Variants in PLCH1 observed in about 807,000 individuals in gnomAD.
PLCH1 encodes phospholipase C eta 1, also known as 1-phosphatidylinositol 4,5-bisphosphate phosphodiesterase eta-1.
Under a neutral mutation model 126.7 loss-of-function variants are expected in PLCH1, and 60 were observed. The ratio of observed to expected loss-of-function variants is 0.47; its 90% CI spans 0.38 to 0.59. The LOEUF (loss-of-function observed/expected upper bound fraction) is 0.59. Ranked by LOEUF, PLCH1 falls within the 20% of genes least tolerant of loss-of-function variation. The pLI is 0.00. For missense variants in PLCH1, 1,723 were observed against 2,040.0 expected (o/e 0.84, Z 2.99); for synonymous variants, 719 against 734.9 (o/e 0.98, Z 0.35).
Position 155,516,951 on chromosome 3 carries a change from C to T in PLCH1, c.1471-2067G>A, listed in dbSNP as rs9868926. On this transcript the variant is annotated intron_variant, in intron 11 of 22. Coordinates refer to ENST00000460012, the MANE Select transcript of PLCH1 (RefSeq NM_014996.4). ...CGCAACTTGTCCAGCCTTGGGGAAT[C>T]GGGGGACAATTCCAGGAGCATAAGA... Among the ~76,000 whole-genome samples, 1,487 of 152,090 alleles carry T rather than the reference C, an allele frequency of 9.8e-3. 29 individuals are homozygous for T. The highest frequency in any genetic ancestry group is 0.034 in the African/African-American group (1,409 of 41,492).
At chr3:155,603,827 G>A (rs1296152510) in intron 2 of PLCH1, among the ~76,000 whole-genome samples, 1 of 151,972 alleles carries the variant, frequency 6.6e-6, no homozygotes, top group African/African-American at 2.4e-5. Flanking sequence ...GCTGTGTGTG[G>A]TGGCTGACAC....
At chr3:155,666,382 G>T (rs1357331705) in intron 2 of PLCH1, among the ~76,000 whole-genome samples, 2 of 152,072 alleles carry the variant, frequency 1.3e-5, no homozygotes, top group African/African-American at 4.8e-5. Flanking sequence ...TGAAAACACA[G>T]TTACTCAAGT....
rs1576757374 is a variant in PLCH1 at position 155,452,292 on chromosome 3, G to C, written c.2938+33064C>G. Among the ~76,000 whole-genome samples the C allele has an allele frequency of 2.0e-5, 3 of 152,256 alleles. No homozygotes were observed. The Middle Eastern group carries it at 0.01, about 518-fold the overall frequency. ...AGACTTATTCACTACCATGAGAACA[G>C]TATGGGGGAATTGCCCCATGCTTCA... On this transcript the variant is annotated intron_variant, in intron 21 of 21. Transcript: ENST00000494598.
intron 2 of PLCH1, among the ~76,000 whole-genome samples, chr3:155,628,713 C>G (rs1052209465): frequency 2.0e-5 from 3 of 152,058 alleles, no homozygotes; most frequent in African/African-American, 7.2e-5. Flanking sequence ...GGAAAGATAT[C>G]TTTTCTCTTC....
At chr3:155,551,632 A>G (rs1726155696) in intron 9 of PLCH1, among the ~76,000 whole-genome samples, 2 of 148,224 alleles carry the variant, frequency 1.3e-5, no homozygotes, top group African/African-American at 4.9e-5. Flanking sequence ...CATAATGAAT[A>G]GAAGCTGAGG....
At chr3:155,673,782 G>C (rs1001925259) in intron 2 of PLCH1, among the ~76,000 whole-genome samples, 3 of 152,080 alleles carry the variant, frequency 2.0e-5, no homozygotes, top group African/African-American at 7.2e-5. Flanking sequence ...TCAGGCATTC[G>C]TACACAGCAT....
chr3:155,561,935 C>A lies in PLCH1; in HGVS notation c.1069+2980G>T, dbSNP rs1180978896. 7.9e-5 allele frequency among the ~76,000 whole-genome samples: 12 copies of A among 152,134 alleles called. No homozygotes were observed. The East Asian group carries it at 9.6e-4, about 12-fold the overall frequency. On this transcript the variant is annotated intron_variant, in intron 8 of 22. Coordinates refer to ENST00000460012, the MANE Select transcript of PLCH1 (RefSeq NM_014996.4). The stretch of plus-strand genomic sequence containing the variant: ...CAGCTGGGACTACAGGTGCATGCCA[C>A]CATGCCCGGATAATTCTTGCAGTTT...
At chr3:155,635,287 C>T (rs2108830107) in intron 2 of PLCH1, among the ~76,000 whole-genome samples, 1 of 152,266 alleles carries the variant, frequency 6.6e-6, no homozygotes, top group South Asian at 2.1e-4. Flanking sequence ...TTTTTATACT[C>T]ATAGGTACTT....
chr3:155,710,786 T>C (rs1434906736), intron 1 of PLCH1, among the ~76,000 whole-genome samples: 3 of 149,836 alleles, frequency 2.0e-5, no homozygotes, highest in African/African-American at 7.4e-5. Context: ...TGAGCTGAGA[T>C]CGTGCCACTA....
At chr3:155,530,244 C>G (rs1424929598) in intron 10 of PLCH1, among the ~76,000 whole-genome samples, 1 of 152,160 alleles carries the variant, frequency 6.6e-6, no homozygotes, top group South Asian at 2.1e-4. Flanking sequence ...ACCTCAAGAA[C>G]CCACTTGCTT....
intron 21 of PLCH1, among the ~76,000 whole-genome samples, chr3:155,472,663 G>A (rs1243390026): frequency 3.3e-5 from 5 of 151,464 alleles, no homozygotes; most frequent in African/African-American, 4.9e-5. Flanking sequence ...GATGAACATT[G>A]ATGCAAAAAT....
intron 21 of PLCH1, among the ~76,000 whole-genome samples, chr3:155,466,017 C>T (rs1712916832): frequency 6.6e-6 from 1 of 152,226 alleles, no homozygotes; most frequent in African/African-American, 2.4e-5. Context: ...CAGTTCCTGA[C>T]TCCTGGAAGG....
At chr3:155,721,493 T>C (rs1747941597) in intron 1 of PLCH1, among the ~76,000 whole-genome samples, 1 of 152,184 alleles carries the variant, frequency 6.6e-6, no homozygotes, top group Non-Finnish European at 1.5e-5. Context: ...GGTTGAGTTC[T>C]TGATTTGATT....
At chr3:155,702,470 T>C (rs937256640) in intron 2 of PLCH1, among the ~76,000 whole-genome samples, 1 of 152,164 alleles carries the variant, frequency 6.6e-6, no homozygotes, top group Non-Finnish European at 1.5e-5. Flanking sequence ...ACCCCATTCA[T>C]AAAATGGGTT....
At chr3:155,721,637 T>C (rs1408707017) in intron 1 of PLCH1, among the ~76,000 whole-genome samples, 1 of 152,198 alleles carries the variant, frequency 6.6e-6, no homozygotes, top group Admixed American at 6.5e-5. Flanking sequence ...AGGTGTACAA[T>C]CATATCATCG....
chr3:155,652,906 C>T (rs1466741529), intron 2 of PLCH1, among the ~76,000 whole-genome samples: 1 of 152,136 alleles, frequency 6.6e-6, no homozygotes, highest in Non-Finnish European at 1.5e-5. Flanking sequence ...TGGACCACTT[C>T]ACTTGCAATA....
chr3:155,661,484 C>T (rs1337269534), intron 2 of PLCH1, among the ~76,000 whole-genome samples: 1 of 152,148 alleles, frequency 6.6e-6, no homozygotes, highest in Admixed American at 6.5e-5. Flanking sequence ...GCATCCCATC[C>T]CCCCATACCT....
intron 10 of PLCH1, among the ~76,000 whole-genome samples, chr3:155,525,225 C>T (rs936433962): frequency 6.6e-6 from 1 of 152,132 alleles, no homozygotes; most frequent in Non-Finnish European, 1.5e-5. Context: ...TTATGTACAA[C>T]TGCTATGGTG....
intron 2 of PLCH1, among the ~76,000 whole-genome samples, chr3:155,679,341 TA>T (rs1744331991): frequency 6.6e-6 from 1 of 152,212 alleles, no homozygotes; most frequent in Non-Finnish European, 1.5e-5. Context: ...TGGTGCTCTC[TA>T]AACCTGTAAG....
Sources: gnomAD v4.1 joint callset for allele counts (sites outside exome capture counted in the v4.1 genomes callset) on GRCh38, gnomAD v4.1.1 for gene constraint, MANE v1.5 for transcripts, NCBI Gene and HGNC (gene_info 2026-07-23, HGNC 2026-07-21) for gene names.